The following TOP2A variants were observed in gnomAD, a reference collection of about 807,000 sequenced individuals.
The protein encoded by TOP2A is DNA topoisomerase 2-alpha.
TOP2A carries 68 observed loss-of-function variants against 187.2 expected under a neutral mutation model. That is an observed-to-expected ratio of 0.36 (90% CI 0.30 to 0.44). The LOEUF is 0.44. TOP2A is among the 20% of genes least tolerant of loss of function. The pLI, the probability that TOP2A is intolerant of heterozygous loss-of-function variation, is 1.00. For missense variants in TOP2A, 1,196 were observed against 1,808.7 expected, an observed-to-expected ratio of 0.66 and a Z score of 6.14; for synonymous variants, 542 against 593.2, an observed-to-expected ratio of 0.91 and a Z score of 1.25.
At chr17:40,390,785 C>G (rs2035014267) in intron 33 of TOP2A, among the ~76,000 whole-genome samples, 1 of 151,868 alleles carries the variant, frequency 6.6e-6, no homozygotes, top group African/African-American at 2.4e-5. Context: ...GCCACCACAC[C>G]TGGCTAATTT....
In TOP2A at chr17:40,396,286, A is replaced by C; in HGVS notation, c.3717T>G (p.Ile1239Met). 6 of 1,550,316 alleles carry C rather than the reference A, an allele frequency of 3.9e-6. No individual in the cohort carries two copies. In the Middle Eastern group the frequency reaches 1.0e-3, roughly 262 times the overall value. ...AEAEKKNKKKIKNENTEGSPQ... is the reference protein window; with the variant it reads ...AEAEKKNKKKMKNENTEGSPQ... ...TGAGCCACCACAAGAGTATTACCTT[A>C]ATTTTCTTTTTATTTTTCTTTTCTG... is the stretch of plus-strand genomic sequence containing the variant. Residue 1239 changes from isoleucine to methionine, a missense_variant, in exon 28 of 35, where the codon ATT becomes ATG. By Grantham distance (10) the Ile-to-Met change is conservative. Around this residue, in one of 10 missense-constraint regions of TOP2A, gnomAD observed 374 missense variants for 403.3 expected, o/e 0.93. Transcript: ENST00000423485.
Position 40,409,899 on chromosome 17 carries a change from G to C in TOP2A, c.1203+1210C>G, listed in dbSNP as rs1056306656. The C allele has an allele frequency of 3.6e-5, 6 of 166,318 alleles. No homozygotes were observed. In the Admixed American group the frequency reaches 3.8e-4, roughly 11 times the overall value. The allele number at this position is 166,318 out of a possible 1,614,324, so 10.3% of individuals were successfully genotyped here. A position where few individuals can be genotyped will look rare whatever the true frequency, so the allele number is the denominator to read the frequency against. ...GTTTGAGACCAGCCTGACCAACATG[G>C]TGAAACCCTGTCTCTACTGAAAATA... On this transcript the variant is annotated intron_variant, in intron 10 of 34. Coordinates refer to ENST00000423485, the MANE Select transcript of TOP2A (RefSeq NM_001067.4).
At chr17:40,400,449 C>T in intron 22 of TOP2A, 40 bp from the exon 23 acceptor site, 1 of 1,606,362 alleles carries the variant, frequency 6.2e-7, no homozygotes, top group Non-Finnish European at 8.5e-7. Flanking sequence ...AAAATATAGG[C>T]TTCTGAATAG....
intron 4 of TOP2A, among the ~76,000 whole-genome samples, chr17:40,414,398 T>C (rs1431623998): frequency 6.6e-6 from 1 of 152,120 alleles, no homozygotes; most frequent in Non-Finnish European, 1.5e-5. Context: ...AGGGTCTCAC[T>C]ATATGGCCCA....
chr17:40,404,622 C>A, intron 17 of TOP2A, 131 bp from the exon 18 acceptor site: 1 of 710,094 alleles, frequency 1.4e-6, no homozygotes, highest in Non-Finnish European at 2.4e-6. Context: ...TTGAATAATA[C>A]AGAAATATTT....
intron 19 of TOP2A, among the ~76,000 whole-genome samples, chr17:40,403,518 T>C (rs1406197705): frequency 6.6e-6 from 1 of 152,246 alleles, no homozygotes; most frequent in Non-Finnish European, 1.5e-5. Context: ...ATCCCTACTA[T>C]ATTTTGATTG....
At position 40,389,531 on chromosome 17, in the gene TOP2A, A is replaced by T. The variant is rs756643129; in HGVS notation, c.4584T>A (p.Asp1528Glu). The change falls in exon 35 of 35, where the codon GAT becomes GAA. Residue 1528 changes from aspartate to glutamate, a missense_variant. Physicochemically the swap from Asp to Glu is conservative, Grantham distance 45. Transcript: ENST00000423485. ...ATCGCCTCACATTTTAAAACAGATC[A>T]TCTTCATCTGACTCTTCCAGGTACT... The part of the protein sequence containing the change: ...PIKYLEESDE[D>E]DLF The T allele has an allele frequency of 1.1e-5, 18 of 1,590,960 alleles. No homozygotes were observed. The highest frequency in any genetic ancestry group is 1.5e-5 in the Non-Finnish European group (18 of 1,167,634).
chr17:40,389,879 A>G, intron 34 of TOP2A, 86 bp downstream of exon 34: 2 of 1,394,064 alleles, frequency 1.4e-6, no homozygotes, highest in Non-Finnish European at 9.6e-7. Flanking sequence ...ATTTTCTTAA[A>G]GATATGCCAA....
In TOP2A at chr17:40,391,487, C is replaced by G. The variant is rs370574054; in HGVS notation, c.4267+19G>C. On this transcript the variant is annotated intron_variant, in intron 33 of 34. Coordinates refer to ENST00000423485, the MANE Select transcript of TOP2A (RefSeq NM_001067.4). Reference sequence around the variant, plus strand: ...TTAGGTAATTGCAACATTAACCCATCTCAAAGATTTAGGCTTACTTTTTGC... The same window carrying G: ...TTAGGTAATTGCAACATTAACCCATGTCAAAGATTTAGGCTTACTTTTTGC... 3.8e-5 allele frequency: 61 copies of G among 1,599,470 alleles called. No homozygotes were observed. The highest frequency in any genetic ancestry group is 5.1e-5 in the Non-Finnish European group (60 of 1,174,772).
chr17:40,404,587 G>C, intron 17 of TOP2A, 96 bp from the exon 18 acceptor site: 1 of 780,924 alleles, frequency 1.3e-6, no homozygotes, highest in African/African-American at 1.8e-5. Flanking sequence ...AATTATTTCT[G>C]TAATTCTTAA....
At position 40,411,791 on chromosome 17, in the gene TOP2A, T is replaced by C. The variant is rs1246819670; in HGVS notation, c.817A>G (p.Met273Val). 1 of 1,600,002 alleles carries C rather than the reference T, an allele frequency of 6.2e-7. No individual in the cohort carries two copies. Among genetic ancestry groups the C allele is most frequent in the East Asian group, 2.2e-5 (1 of 44,804 alleles). Residue 273 changes from methionine (M) to valine (V), a missense_variant, in exon 8 of 35, where the codon ATG becomes GTG. This residue lies in a region of TOP2A where 252 missense variants were observed against 434.8 expected (regional missense o/e 0.58). Transcript: ENST00000423485. This position sits in a 1 kb window ranked among gnomAD's most constrained non-coding sequence, Gnocchi z 4.4. ...PVKGFRSYVD[M>V]YLKDKLDETG... ...TCATCCAACTTGTCCTTCAAATACA[T>C]GTCCACATAACTACGAAATCCTTTT... is the stretch of plus-strand genomic sequence containing the variant.
Position 40,396,482 on chromosome 17 carries a change from A to C in TOP2A, c.3538-17T>G, listed in dbSNP as rs758505111. The stretch of plus-strand genomic sequence containing the variant: ...TTCAACAGCCTACAGAAGGGATATA[A>C]GAAAGCAAGTTTAAATGTTAACAAA... On this transcript the variant is annotated splice_polypyrimidine_tract_variant and intron_variant, in intron 27 of 34. Transcript: ENST00000423485. The C allele has an allele frequency of 1.7e-5, 27 of 1,601,886 alleles. No individual in the cohort carries two copies. The Admixed American group carries it at 3.1e-4, about 18-fold the overall frequency.
intron 16 of TOP2A, among the ~76,000 whole-genome samples, chr17:40,405,774 CCT>C (rs1491575735): frequency 7.1e-6 from 1 of 141,150 alleles, no homozygotes; most frequent in Non-Finnish European, 1.5e-5. Context: ...TGGCCTTTTT[CCT>C]TTTTTTTTGA....
At chr17:40,415,395 G>A (rs1598620965) in intron 4 of TOP2A, among the ~76,000 whole-genome samples, 1 of 152,040 alleles carries the variant, frequency 6.6e-6, no homozygotes, top group South Asian at 2.1e-4. Flanking sequence ...TGAGTCCTTA[G>A]GAAAATCCAG....
chr17:40,390,976 C>T (rs2143618654), intron 33 of TOP2A, among the ~76,000 whole-genome samples: 1 of 152,008 alleles, frequency 6.6e-6, no homozygotes, highest in South Asian at 2.1e-4. Flanking sequence ...ATTGCAATTG[C>T]TTATAAATCC....
Position 40,396,280 on chromosome 17 carries a change from T to TA in TOP2A, c.3720+2dup. The TA allele has an allele frequency of 6.6e-7, 1 of 1,513,736 alleles. No homozygotes were observed. Among genetic ancestry groups the TA allele is most frequent in the South Asian group, 1.1e-5 (1 of 87,054 alleles). The allele number at this position is 1,513,736 out of a possible 1,614,324, so 93.8% of individuals were successfully genotyped here. ...TAGGTGTGAGCCACCACAAGAGTAT[T>TA]ACCTTAATTTTCTTTTTATTTTTCT... is the stretch of plus-strand genomic sequence containing the variant. On this transcript the variant is annotated splice_region_variant and intron_variant, in intron 28 of 34. Transcript: ENST00000423485.
chr17:40,411,868 G>C lies in TOP2A; in HGVS notation c.790-50C>G, dbSNP rs1488272783. The stretch of plus-strand genomic sequence containing the variant: ...TATTAAGAAAGTTATTAAAAAATAG[G>C]TTCAATGATAGACTATGAGGACTTT... On this transcript the variant is annotated intron_variant, in intron 7 of 34. Transcript: ENST00000423485. This position sits in a 1 kb window ranked among gnomAD's most constrained non-coding sequence, Gnocchi z 4.4. 1.4e-6 allele frequency: 2 copies of C among 1,450,140 alleles called. No individual in the cohort carries two copies. The highest frequency in any genetic ancestry group is 1.4e-5 in the South Asian group (1 of 71,498). 89.8% of individuals were successfully genotyped at this position (1,450,140 alleles called of 1,614,324 possible).
At chr17:40,391,894 A>G (rs997617641) in intron 32 of TOP2A, 174 bp downstream of exon 32, 16 of 780,272 alleles carry the variant, frequency 2.1e-5, no homozygotes, top group Non-Finnish European at 3.2e-5. Flanking sequence ...TACTGAATGC[A>G]GTACCTATTT....
At chr17:40,417,419 T>A (rs139282543) in intron 1 of TOP2A, among the ~76,000 whole-genome samples, 1 of 152,106 alleles carries the variant, frequency 6.6e-6, no homozygotes, top group Non-Finnish European at 1.5e-5. Context: ...ATCGGGGACA[T>A]TCAAGACCGT....
Sources: gnomAD v4.1 joint callset for allele counts (sites outside exome capture counted in the v4.1 genomes callset) on GRCh38, gnomAD v4.1.1 for gene constraint, gnomAD v4.1.1 regional missense constraint, Gnocchi (gnomAD v3.1) non-coding constraint, MANE v1.5 for transcripts, NCBI Gene and HGNC (gene_info 2026-07-23, HGNC 2026-07-21) for gene names.